Variants in MICAL1 observed in about 807,000 individuals in gnomAD.
The protein encoded by MICAL1 is microtubule associated monooxygenase, calponin and LIM domain containing 1, also known as [F-actin]-monooxygenase MICAL1.
A neutral mutation model predicts 131.8 loss-of-function variants in MICAL1; 95 were observed. That is an observed-to-expected ratio of 0.72 (90% CI 0.61 to 0.86). The LOEUF (loss-of-function observed/expected upper bound fraction) is 0.86. MICAL1 is among the 40% of genes least tolerant of loss of function. The probability of loss-of-function intolerance (pLI) is 0.00; values close to 1 mark genes in which losing one functional copy is unlikely to be tolerated. For synonymous variants in MICAL1, 546 were observed against 554.2 expected (o/e 0.99, Z 0.21); for missense variants, 1,292 against 1,380.6 (o/e 0.94, Z 1.02).
intron 12 of MICAL1, 52 bp from the exon 13 acceptor site, chr6:109,448,445 T>C: frequency 6.3e-7 from 1 of 1,593,978 alleles, no homozygotes; most frequent in Non-Finnish European, 8.5e-7. Flanking sequence ...CTAGCCCCAC[T>C]GAGGGGAGGA....
At chr6:109,465,908 C>A in exon 1 of MICAL1, 2 of 1,614,156 alleles carry the variant, frequency 1.2e-6, no homozygotes, top group East Asian at 2.2e-5. Flanking sequence ...TGGGTGGTGG[C>A]GGACCAGGCT....
At chr6:109,446,646 C>T (rs1441569532) in intron 18 of MICAL1, 50 bp downstream of exon 18, 1 of 1,581,700 alleles carries the variant, frequency 6.3e-7, no homozygotes, top group East Asian at 2.2e-5. Flanking sequence ...TTGACGAGAC[C>T]CTCTTCCTCT....
upstream of MICAL1, chr6:109,456,041 T>C: frequency 4.1e-6 from 4 of 985,932 alleles, no homozygotes; most frequent in Non-Finnish European, 4.8e-6. Context: ...GGACACCCCG[T>C]TCCGCTCTGG....
At chr6:109,465,304 A>T (rs1337720716) in intron 1 of MICAL1, 1 of 266,172 alleles carries the variant, frequency 3.8e-6, no homozygotes, top group Admixed American at 4.9e-5. Context: ...TAAAACGTTG[A>T]GGGTTACTTT....
At position 109,465,893 on chromosome 6, in the gene MICAL1, G is replaced by A. The variant is rs373951478; in HGVS notation, c.-216C>T. On this transcript the variant is annotated 5_prime_UTR_variant, in exon 1 of 25. Coordinates refer to the MICAL1 transcript ENST00000630715. The stretch of plus-strand genomic sequence containing the variant: ...CAAGTGGCGTTGGCTGGGGCACGTG[G>A]TGAGTGGGTGGTGGCGGACCAGGCT... 84 of 1,614,090 alleles carry A rather than the reference G, an allele frequency of 5.2e-5. No individual in the cohort carries two copies. Among genetic ancestry groups the A allele is most frequent in the Non-Finnish European group, 6.3e-5 (74 of 1,180,046 alleles).
Position 109,447,349 on chromosome 6 carries a change from G to T in MICAL1, c.2070+8C>A, listed in dbSNP as rs755980336. 7.4e-6 allele frequency: 12 copies of T among 1,613,542 alleles called. No individual in the cohort carries two copies. In the Middle Eastern group the frequency reaches 8.2e-4, roughly 111 times the overall value. ...GGCCTCTGCCTGCACACAAAGCCTG[G>T]CTCTCACCTCCTGGTGTTGGGATGG... On this transcript the variant is annotated splice_region_variant and intron_variant, in intron 16 of 24. Coordinates refer to ENST00000358807, the MANE Select transcript of MICAL1 (RefSeq NM_022765.4).
At chr6:109,448,606 G>C in intron 12 of MICAL1, 126 bp downstream of exon 12, 3 of 1,410,876 alleles carry the variant, frequency 2.1e-6, no homozygotes, top group Middle Eastern at 1.8e-4. Flanking sequence ...TCCACTATCT[G>C]AATGCATTAG....
chr6:109,447,184 C>T lies in MICAL1; in HGVS notation c.2116G>A (p.Val706Ile), dbSNP rs368697503. 5.6e-6 allele frequency: 9 copies of T among 1,614,040 alleles called. No individual in the cohort carries two copies. Among genetic ancestry groups the T allele is most frequent in the Non-Finnish European group, 7.6e-6 (9 of 1,179,996 alleles). ...LCALCGEHLY[V>I]LERLCVNGHF... ...CCGTTGACACAGAGGCGTTCCAGGA[C>T]ATAGAGGTGTTCCCCACAAAGTGCA... Residue 706 changes from valine (V) to isoleucine (I), a missense_variant, in exon 17 of 25, where the codon GTC becomes ATC. Coordinates refer to ENST00000358807, the MANE Select transcript of MICAL1 (RefSeq NM_022765.4).
In MICAL1 at chr6:109,450,525, A is replaced by G. The variant is rs1270638408; in HGVS notation, c.966T>C (p.Ser322=). 6.2e-7 allele frequency: 1 copy of G among 1,611,584 alleles called. No homozygotes were observed. Among genetic ancestry groups the G allele is most frequent in the Non-Finnish European group, 8.5e-7 (1 of 1,178,828 alleles). Residue 322 remains serine (S), a synonymous_variant, in exon 8 of 25, where the codon AGT becomes AGC. Coordinates refer to ENST00000358807, the MANE Select transcript of MICAL1 (RefSeq NM_022765.4). The part of the protein sequence containing the change: ...DWPDTNRLLG[S]ANVVPEALQR... ...GCAGAGCCTCGGGCACCACATTGGC[A>G]CTGCCCAGCAGCCGATTGGTGTCTG...
chr6:109,450,677 T>C, intron 7 of MICAL1, 120 bp from the exon 8 acceptor site: 1 of 1,113,102 alleles, frequency 9.0e-7, no homozygotes, highest in Non-Finnish European at 1.2e-6. Context: ...GGGGCTGCCC[T>C]AGACTACACA....
At chr6:109,451,820 C>T (rs1253030008) in intron 6 of MICAL1, 120 bp from the exon 7 acceptor site, 15 of 1,492,740 alleles carry the variant, frequency 1.0e-5, no homozygotes. Context: ...GGTGAGTGCT[C>T]CACGCATAGA....
rs762331434 is a variant in MICAL1, at chr6:109,454,146, G to A, written c.51C>T (p.Phe17=). 6.2e-6 allele frequency: 10 copies of A among 1,612,550 alleles called. No individual in the cohort carries two copies. The highest frequency in any genetic ancestry group is 1.7e-5 in the Admixed American group (1 of 59,880). ...TNPAHAHFES[F]LQAQLCQDVL... is the part of the protein sequence containing the mutation. ...CGTCCTGGCACAGCTGGGCCTGCAG[G>A]AAGCTCTCAAAGTGGGCATGCGCTG... Residue 17 remains phenylalanine, a synonymous_variant, in exon 2 of 25, where the codon TTC becomes TTT. Transcript: ENST00000358807.
upstream of MICAL1, among the ~76,000 whole-genome samples, chr6:109,460,523 T>TACACACACACACAC (rs113472586): frequency 0.018 from 2,692 of 147,726 alleles, 40 homozygotes; most frequent in African/African-American, 0.04. Flanking sequence ...TATATATAAA[T>TACACACACACACAC]ACACACACAC....
chr6:109,458,386 G>C (rs933053014), upstream of MICAL1, among the ~76,000 whole-genome samples: 3 of 151,996 alleles, frequency 2.0e-5, no homozygotes, highest in Admixed American at 2.0e-4. Context: ...ACCTGAGGTC[G>C]GGAGTTCGAG....
chr6:109,463,381 A>G (rs1300651109), intron 1 of MICAL1: 1 of 152,240 alleles, frequency 6.6e-6, no homozygotes, highest in Non-Finnish European at 1.5e-5. Context: ...TCTCTTTGAC[A>G]GCTGGTCAAA....
upstream of MICAL1, chr6:109,455,897 G>A (rs1178464775): frequency 1.0e-6 from 1 of 985,506 alleles, no homozygotes; most frequent in Non-Finnish European, 1.2e-6. This position sits in a 1 kb window ranked among gnomAD's most constrained non-coding sequence, Gnocchi z 4.7. Flanking sequence ...TCCGCGAGGG[G>A]CGCGGGGCGC....
At position 109,444,311 on chromosome 6, in the gene MICAL1, C is replaced by A; in HGVS notation, c.3084G>T (p.Gln1028His). 1 of 1,613,558 alleles carries A rather than the reference C, an allele frequency of 6.2e-7. No homozygotes were observed. The highest frequency in any genetic ancestry group is 8.5e-7 in the Non-Finnish European group (1 of 1,180,026). ...GCTTCCTCAGGACCTGGTCCTCAGC[C>A]TGCCGATCAGCAGCTGTCTTTAGGT... ...EENLKTAADR[Q>H]AEDQVLRKLV... The change falls in exon 25 of 25, where the codon CAG becomes CAT. Residue 1028 changes from glutamine (Q) to histidine (H), a missense_variant. Transcript: ENST00000358807.
At chr6:109,457,028 G>A (rs756164337), upstream of MICAL1, among the ~76,000 whole-genome samples, 2 of 152,218 alleles carry the variant, frequency 1.3e-5, no homozygotes, top group Non-Finnish European at 2.9e-5. Context: ...CTGTCCTTGA[G>A]ATCCAGAGAC....
chr6:109,451,823 C>A (rs778533589), intron 6 of MICAL1, 123 bp from the exon 7 acceptor site: 3 of 1,482,010 alleles, frequency 2.0e-6, no homozygotes, highest in Non-Finnish European at 2.7e-6. Flanking sequence ...GAGTGCTCCA[C>A]GCATAGAACC....
Sources: gnomAD v4.1 joint callset for allele counts (sites outside exome capture counted in the v4.1 genomes callset) on GRCh38, gnomAD v4.1.1 for gene constraint, Gnocchi (gnomAD v3.1) non-coding constraint, MANE v1.5 for transcripts, NCBI Gene and HGNC (gene_info 2026-07-23, HGNC 2026-07-21) for gene names.